Variants in DCC observed in about 807,000 individuals in gnomAD.
DCC encodes the protein netrin receptor DCC.
A neutral mutation model predicts 172.5 loss-of-function variants in DCC; 58 were observed. The observed-to-expected ratio is 0.34, with a 90% confidence interval of 0.27 to 0.42. DCC has a LOEUF of 0.42. Among genes scored for constraint, DCC ranks in the 10% least tolerant of loss-of-function variants. DCC has a pLI of 1.00. For missense variants in DCC, 1,740 were observed against 1,791.0 expected, an observed-to-expected ratio of 0.97 and a Z score of 0.51; for synonymous variants, 709 against 644.5, an observed-to-expected ratio of 1.10 and a Z score of -1.52.
intron 1 of DCC, among the ~76,000 whole-genome samples, chr18:52,378,354 A>T (rs1348130365): frequency 6.6e-6 from 1 of 152,120 alleles, no homozygotes; most frequent in South Asian, 2.1e-4. Flanking sequence ...ATTTGGGAAA[A>T]TGACATAATG....
Position 53,402,880 on chromosome 18 carries a change from T to G in DCC, c.2922T>G (p.Asn974Lys). The G allele has an allele frequency of 6.2e-7, 1 of 1,611,764 alleles. No individual in the cohort carries two copies. Among genetic ancestry groups the G allele is most frequent in the Non-Finnish European group, 8.5e-7 (1 of 1,177,856 alleles). ...GTTGGCAGCCTCCCTTGGAAGCCAA[T>G]GGGAAAATTACTGGTAAGCATCTCC... is the stretch of plus-strand genomic sequence containing the variant. The part of the protein sequence containing the change: ...IVSWQPPLEA[N>K]GKITAYILFY... The change falls in exon 19 of 29, where the codon AAT (asparagine) becomes AAG (lysine). Residue 974 changes from asparagine to lysine, a missense_variant. By Grantham distance (94) the Asn-to-Lys change is moderately conservative. Around this residue, in one of 2 missense-constraint regions of DCC, gnomAD observed 1,732 missense variants for 1,767.4 expected, o/e 0.98. Coordinates refer to ENST00000442544, the MANE Select transcript of DCC (RefSeq NM_005215.4).
intron 2 of DCC, among the ~76,000 whole-genome samples, chr18:52,803,286 G>A (rs551629711): frequency 1.3e-4 from 20 of 152,260 alleles, no homozygotes; most frequent in South Asian, 6.2e-4. Flanking sequence ...TTGAAGAGAT[G>A]AACTGCTCTG....
In DCC at chr18:53,207,830, C is replaced by G. The variant is rs368083873; in HGVS notation, c.1861+13C>G. On this transcript the variant is annotated intron_variant, in intron 11 of 28. Coordinates refer to ENST00000442544, the MANE Select transcript of DCC (RefSeq NM_005215.4). ...ACACTTTCTGACGGTAAGTTAAAAA[C>G]AGTGAAACTCCTTTTACATATTTGA... 6 of 1,595,738 alleles carry G rather than the reference C, an allele frequency of 3.8e-6. No individual in the cohort carries two copies. The highest frequency in any genetic ancestry group is 5.2e-6 in the Non-Finnish European group (6 of 1,163,598).
chr18:53,305,678 T>C lies in DCC; in HGVS notation c.2012T>C (p.Met671Thr). 6.2e-7 allele frequency: 1 copy of C among 1,613,994 alleles called. No individual in the cohort carries two copies. Residue 671 changes from methionine to threonine, a missense_variant, in exon 13 of 29, where the codon ATG becomes ACG. Transcript: ENST00000442544. The stretch of plus-strand genomic sequence containing the variant: ...AGAAAGACGACCCGCAGGGGTGAGA[T>C]GGAAACACTGGAGCCAAACAACCTC... The part of the protein sequence containing the change: ...RHRKTTRRGE[M>T]ETLEPNNLWY...
intron 7 of DCC, among the ~76,000 whole-genome samples, 187 bp downstream of exon 7, chr18:53,066,353 GTATATATATATATATATATATATA>G (rs10526030): frequency 3.9e-4 from 37 of 94,620 alleles, no homozygotes; most frequent in South Asian, 1.5e-3. Flanking sequence ...GTACATGTGT[GTATATATATATATATATATATATA>G]TATATATATA....
intron 5 of DCC, among the ~76,000 whole-genome samples, chr18:53,008,660 A>G (rs2041682237): frequency 1.3e-5 from 2 of 151,986 alleles, no homozygotes; most frequent in Admixed American, 1.3e-4. Context: ...GAAGTATGCC[A>G]TTATTACTCA....
rs564163812 is a variant in DCC at position 53,513,744 on chromosome 18, A to G, written c.4112-12873A>G. ...CCATTACATAATGCTAAAGGGATCA[A>G]TTCAACAAGAAGAGCTAACTATCCT... On this transcript the variant is annotated intron_variant, in intron 27 of 28. Coordinates refer to ENST00000442544, the MANE Select transcript of DCC (RefSeq NM_005215.4). Among the ~76,000 whole-genome samples, 318 of 150,770 alleles carry G rather than the reference A, an allele frequency of 2.1e-3. 1 individual carries two copies. The highest frequency in any genetic ancestry group is 7.5e-3 in the African/African-American group (305 of 40,812).
intron 15 of DCC, among the ~76,000 whole-genome samples, chr18:53,365,958 T>G (rs1353632986): frequency 6.6e-6 from 1 of 152,218 alleles, no homozygotes; most frequent in Non-Finnish European, 1.5e-5. Context: ...CACAGGAATG[T>G]TCTTGCAGGA....
At chr18:52,831,186 G>A (rs900295864) in intron 2 of DCC, among the ~76,000 whole-genome samples, 2 of 152,110 alleles carry the variant, frequency 1.3e-5, no homozygotes, top group African/African-American at 4.8e-5. Flanking sequence ...TAAACATGAC[G>A]GTCATTTTCA....
In DCC at chr18:53,305,650, C is replaced by T. The variant is rs1244190681; in HGVS notation, c.1984C>T (p.His662Tyr). 1.2e-6 allele frequency: 2 copies of T among 1,613,884 alleles called. No individual in the cohort carries two copies. Among genetic ancestry groups the T allele is most frequent in the East Asian group, 2.2e-5 (1 of 44,894 alleles). ...ATTTATTACCGGCTATAAAATTCGA[C>T]ACAGAAAGACGACCCGCAGGGGTGA... The part of the protein sequence containing the change: ...NGFITGYKIR[H>Y]RKTTRRGEME... The change falls in exon 13 of 29, where the codon CAC becomes TAC. Residue 662 changes from histidine (H) to tyrosine (Y), a missense_variant. Physicochemically the swap from His to Tyr is moderately conservative, Grantham distance 83. Around this residue, in one of 2 missense-constraint regions of DCC, gnomAD observed 1,732 missense variants for 1,767.4 expected, o/e 0.98. Coordinates refer to ENST00000442544, the MANE Select transcript of DCC (RefSeq NM_005215.4).
rs537302680 is a variant in DCC, at chr18:53,150,281, G to T, written c.1262-7075G>T. ...CATAACTAGTTGGCAGTAATGCTCA[G>T]TCTTCTCCCAGTGCATATTCTCAAG... On this transcript the variant is annotated intron_variant, in intron 7 of 28. Transcript: ENST00000442544. Among the ~76,000 whole-genome samples, 131 of 152,304 alleles carry T rather than the reference G, an allele frequency of 8.6e-4. 1 individual carries two copies. Among genetic ancestry groups the T allele is most frequent in the African/African-American group, 3.1e-3 (127 of 41,572 alleles).
chr18:53,179,758 G>A (rs1354109013), intron 9 of DCC, among the ~76,000 whole-genome samples: 5 of 152,006 alleles, frequency 3.3e-5, no homozygotes, highest in South Asian at 2.1e-4. Flanking sequence ...ATTACATATC[G>A]AAAACTATTT....
intron 1 of DCC, among the ~76,000 whole-genome samples, chr18:52,359,880 T>C (rs903944304): frequency 1.3e-5 from 2 of 152,190 alleles, no homozygotes; most frequent in African/African-American, 4.8e-5. Flanking sequence ...CTTTTACAAG[T>C]AGGAAAAGTG....
intron 7 of DCC, among the ~76,000 whole-genome samples, chr18:53,070,553 G>T (rs2144104232): frequency 6.6e-6 from 1 of 152,268 alleles, no homozygotes; most frequent in East Asian, 1.9e-4. Flanking sequence ...CTTGGGCCCT[G>T]ATTTGTTTAG....
chr18:52,755,737 A>G (rs2037067100), intron 2 of DCC, among the ~76,000 whole-genome samples: 1 of 152,256 alleles, frequency 6.6e-6, no homozygotes, highest in East Asian at 1.9e-4. Context: ...ACAACAAAAA[A>G]ATGTTTTGTA....
intron 13 of DCC, among the ~76,000 whole-genome samples, chr18:53,313,049 G>GCA (rs1355529956): frequency 1.4e-5 from 2 of 138,574 alleles, no homozygotes; most frequent in African/African-American, 2.6e-5. Context: ...AGGGAAGAAG[G>GCA]GAGGGAAGGA....
In DCC at chr18:52,383,516, G is replaced by A. The variant is rs143270806; in HGVS notation, c.91+42638G>A. Among the ~76,000 whole-genome samples the A allele has an allele frequency of 4.0e-4, 61 of 151,932 alleles. No homozygotes were observed. In the East Asian group the frequency reaches 6.0e-3, roughly 15 times the overall value. On this transcript the variant is annotated intron_variant, in intron 1 of 28. Coordinates refer to ENST00000442544, the MANE Select transcript of DCC (RefSeq NM_005215.4). ...GGTATAGCTTATTTTATATTATGTA[G>A]CATTTGTTTATATACATTAAGTGTA...
chr18:53,106,300 C>T (rs1374007069), intron 7 of DCC, among the ~76,000 whole-genome samples: 1 of 151,918 alleles, frequency 6.6e-6, no homozygotes, highest in Non-Finnish European at 1.5e-5. Flanking sequence ...TGTCCTGTTC[C>T]CAGCTTTCTG....
chr18:52,820,539 C>T (rs1234547015), intron 2 of DCC, among the ~76,000 whole-genome samples: 1 of 151,954 alleles, frequency 6.6e-6, no homozygotes, highest in East Asian at 1.9e-4. Context: ...CAAAATTATA[C>T]TGAATTATAC....
Sources: gnomAD v4.1 joint callset for allele counts (sites outside exome capture counted in the v4.1 genomes callset) on GRCh38, gnomAD v4.1.1 for gene constraint, gnomAD v4.1.1 regional missense constraint, MANE v1.5 for transcripts, NCBI Gene and HGNC (gene_info 2026-07-23, HGNC 2026-07-21) for gene names.